OR3A2: variants seen among roughly 807,000 people sequenced by gnomAD.
OR3A2 encodes the protein olfactory receptor family 3 subfamily A member 2, also known as olfactory receptor 3A2.
For missense variants in OR3A2, 318 were observed against 392.8 expected, an observed-to-expected ratio of 0.81 and a Z score of 1.61; for synonymous variants, 126 against 159.3, an observed-to-expected ratio of 0.79 and a Z score of 1.57.
At position 3,311,311 on chromosome 17, in the gene OR3A2, C is replaced by G. The variant is rs2049042815; in HGVS notation, c.-85+24722G>C. ...CAGTTCACAGCTCTTCTTTCCCCAC[C>G]TCCTGGCTGGGGTGGACTGTCACCT... On this transcript the variant is annotated intron_variant, in intron 3 of 4. Transcript: ENST00000573491. The surrounding 1 kb of genome is among the most constrained non-coding windows in gnomAD (Gnocchi z 4.6). 1 of 534,868 alleles carries G rather than the reference C, an allele frequency of 1.9e-6. No individual in the cohort carries two copies. Among genetic ancestry groups the G allele is most frequent in the Non-Finnish European group, 3.8e-6 (1 of 260,228 alleles). The allele number at this position is 534,868 out of a possible 1,614,324, so 33.1% of individuals were successfully genotyped here. A position where few individuals can be genotyped will look rare whatever the true frequency, so the allele number is the denominator to read the frequency against.
At chr17:3,347,277 G>T (rs923015280) in intron 2 of OR3A2, among the ~76,000 whole-genome samples, 4 of 151,576 alleles carry the variant, frequency 2.6e-5, no homozygotes, top group African/African-American at 9.7e-5. Context: ...AAGTTTTAGG[G>T]TACATGTGCA....
At chr17:3,375,261 A>T (rs1204027926) in intron 2 of OR3A2, among the ~76,000 whole-genome samples, 3 of 56,242 alleles carry the variant, frequency 5.3e-5, no homozygotes, top group South Asian at 5.1e-4. Context: ...CCTTTTTGAG[A>T]TAGTCTCACT....
chr17:3,281,514 G>A (rs899436401), intron 1 of OR3A2, among the ~76,000 whole-genome samples: 3 of 152,110 alleles, frequency 2.0e-5, no homozygotes, highest in Non-Finnish European at 2.9e-5. Context: ...GATTACAGAC[G>A]TGAGGCACCG....
intron 3 of OR3A2, chr17:3,310,335 G>C (rs751695372): frequency 1.9e-6 from 1 of 534,358 alleles, no homozygotes; most frequent in Non-Finnish European, 3.8e-6. Flanking sequence ...CTCAGGGAAT[G>C]ATTCAGTTGT....
intron 3 of OR3A2, among the ~76,000 whole-genome samples, chr17:3,292,751 C>G (rs934858320): frequency 1.3e-5 from 2 of 152,158 alleles, no homozygotes; most frequent in African/African-American, 4.8e-5. Context: ...CTTGTTTACT[C>G]TGTCGCTACA....
intron 2 of OR3A2, among the ~76,000 whole-genome samples, chr17:3,357,413 A>G (rs2049472650): frequency 6.6e-6 from 1 of 151,722 alleles, no homozygotes; most frequent in African/African-American, 2.4e-5. Flanking sequence ...AAAAAGCCAG[A>G]TGAAATATTA....
intron 3 of OR3A2, among the ~76,000 whole-genome samples, chr17:3,317,347 G>C (rs2049088321): frequency 6.6e-6 from 1 of 152,202 alleles, no homozygotes; most frequent in South Asian, 2.1e-4. Context: ...AGATATCAGG[G>C]ATCTGAAAGG....
chr17:3,297,361 A>G (rs1291916025), intron 3 of OR3A2, among the ~76,000 whole-genome samples: 2 of 152,120 alleles, frequency 1.3e-5, no homozygotes, highest in Non-Finnish European at 2.9e-5. Context: ...TTTCCCATCC[A>G]CTTTAACTCA....
rs547433734 is a variant in OR3A2, at chr17:3,349,892, T to A, written c.-178-13766A>T. 6.4e-4 allele frequency among the ~76,000 whole-genome samples: 97 copies of A among 151,700 alleles called. No individual in the cohort carries two copies. The South Asian group carries it at 9.2e-3, about 14-fold the overall frequency. ...GATTAAGAATCTCACTCAAAACCAC[T>A]CAACCATATGGAAACTGAACAACCT... On this transcript the variant is annotated intron_variant, in intron 2 of 4. Coordinates refer to the OR3A2 transcript ENST00000573491.
intron 3 of OR3A2, among the ~76,000 whole-genome samples, chr17:3,331,702 T>C (rs1162722644): frequency 6.6e-6 from 1 of 151,806 alleles, no homozygotes; most frequent in African/African-American, 2.4e-5. Flanking sequence ...TCTGAAGCCT[T>C]CTTCTCTCAG....
intron 2 of OR3A2, among the ~76,000 whole-genome samples, chr17:3,345,440 T>G (rs62091290): frequency 0.17 from 25,908 of 150,612 alleles, 3,037 homozygotes; most frequent in Admixed American, 0.34. Flanking sequence ...GAGAGAGAGA[T>G]AGAGACAGAG....
intron 3 of OR3A2, among the ~76,000 whole-genome samples, chr17:3,305,501 T>A (rs554030681): frequency 6.6e-6 from 1 of 152,270 alleles, no homozygotes; most frequent in African/African-American, 2.4e-5. Flanking sequence ...AGAGACGAGA[T>A]CCTTGCACAA....
intron 3 of OR3A2, among the ~76,000 whole-genome samples, chr17:3,312,302 T>C (rs1268156223): frequency 3.6e-4 from 55 of 152,116 alleles, no homozygotes; most frequent in Non-Finnish European, 4.4e-5. Context: ...ACTATATTTG[T>C]ATTCGAGTGT....
intron 3 of OR3A2, chr17:3,292,183 T>C (rs1351999046): frequency 2.5e-6 from 4 of 1,613,550 alleles, no homozygotes; most frequent in African/African-American, 2.7e-5. Flanking sequence ...GTGCTGTAGG[T>C]GAGGGGCCGG....
intron 3 of OR3A2, chr17:3,291,374 T>C: frequency 2.7e-6 from 1 of 363,884 alleles, no homozygotes. Context: ...GCTTCCTAGG[T>C]TTCACCTCTA....
chr17:3,332,741 T>C (rs368805025), intron 3 of OR3A2, among the ~76,000 whole-genome samples: 1 of 152,214 alleles, frequency 6.6e-6, no homozygotes, highest in Admixed American at 6.5e-5. Context: ...ATGCCTGTCT[T>C]TACTGCAATC....
intron 3 of OR3A2, among the ~76,000 whole-genome samples, chr17:3,294,858 A>C (rs1303216418): frequency 1.3e-5 from 2 of 152,188 alleles, no homozygotes; most frequent in Non-Finnish European, 2.9e-5. Context: ...TTCAAATATA[A>C]TATTCATATA....
chr17:3,285,963 T>C (rs563456148), upstream of OR3A2, among the ~76,000 whole-genome samples: 2,788 of 152,310 alleles, frequency 0.018, 90 homozygotes, highest in African/African-American at 0.063. Flanking sequence ...ATGTGCAGAA[T>C]GTGCAGGTTC....
chr17:3,308,390 G>T (rs1394835123), intron 3 of OR3A2, among the ~76,000 whole-genome samples: 6 of 152,078 alleles, frequency 3.9e-5, no homozygotes, highest in Non-Finnish European at 7.4e-5. Context: ...CTTTGGCCGG[G>T]TGAGTCTCAT....
Sources: gnomAD v4.1 joint callset for allele counts (sites outside exome capture counted in the v4.1 genomes callset) on GRCh38, gnomAD v4.1.1 for gene constraint, Gnocchi (gnomAD v3.1) non-coding constraint, MANE v1.5 for transcripts, NCBI Gene and HGNC (gene_info 2026-07-23, HGNC 2026-07-21) for gene names.